PCDHGA9: variants seen among roughly 807,000 people sequenced by gnomAD.
PCDHGA9 encodes the protein protocadherin gamma subfamily A, 9.
A neutral mutation model predicts 62.5 loss-of-function variants in PCDHGA9; 37 were observed. That is an observed-to-expected ratio of 0.59 (90% CI 0.46 to 0.78). The LOEUF (loss-of-function observed/expected upper bound fraction) is 0.78. Ranked by LOEUF, PCDHGA9 falls within the 30% of genes least tolerant of loss-of-function variation. PCDHGA9 has a pLI of 0.00. For synonymous variants in PCDHGA9, 459 were observed against 484.6 expected, an observed-to-expected ratio of 0.95 and a Z score of 0.69; for missense variants, 1,138 against 1,166.2, an observed-to-expected ratio of 0.98 and a Z score of 0.35.
chr5:141,410,318 G>C, intron 1 of PCDHGA9: 6 of 1,613,982 alleles, frequency 3.7e-6, no homozygotes, highest in Non-Finnish European at 5.1e-6. Context: ...CTTCCTCCTC[G>C]CCGTGATTCT....
intron 1 of PCDHGA9, among the ~76,000 whole-genome samples, chr5:141,437,421 T>G (rs971034611): frequency 1.2e-4 from 19 of 152,238 alleles, no homozygotes; most frequent in African/African-American, 4.6e-4. Flanking sequence ...TTATGCTTTT[T>G]GAAGCAGCAA....
At chr5:141,405,407 CT>C (rs762612492) in intron 1 of PCDHGA9, 31 bp downstream of exon 1, 3 of 1,582,042 alleles carry the variant, frequency 1.9e-6, no homozygotes, top group South Asian at 1.1e-5. Context: ...TCTTTCTTTT[CT>C]TTTTTTGTTT....
At chr5:141,484,876 A>C in intron 1 of PCDHGA9, 1 of 315,240 alleles carries the variant, frequency 3.2e-6, no homozygotes, top group Non-Finnish European at 5.8e-6. Flanking sequence ...CGTGGAGGAT[A>C]GGGTGGGCTT....
intron 1 of PCDHGA9, among the ~76,000 whole-genome samples, chr5:141,471,163 G>GC (rs202115056): frequency 0.11 from 16,237 of 150,562 alleles, 892 homozygotes; most frequent in South Asian, 0.15. Context: ...GATTCTCCTG[G>GC]CTCAGCCTCC....
At chr5:141,421,455 C>T (rs762490406) in intron 1 of PCDHGA9, 7 of 1,614,108 alleles carry the variant, frequency 4.3e-6, no homozygotes, top group Non-Finnish European at 4.2e-6. Flanking sequence ...CACAGCTTTT[C>T]GCTGTGAATC....
rs372202008 is a variant in PCDHGA9, at chr5:141,404,550, C to T, written c.1598C>T (p.Thr533Met). The part of the protein sequence containing the change: ...EQFRDLQMQV[T>M]ASDSGSPPLS... The stretch of plus-strand genomic sequence containing the variant: ...TTTAGAGATTTGCAAATGCAGGTGA[C>T]GGCAAGTGACAGTGGAAGCCCACCA... Residue 533 changes from threonine (T) to methionine (M), a missense_variant, in exon 1 of 4, where the codon ACG (threonine) becomes ATG (methionine). Coordinates refer to ENST00000573521, the MANE Select transcript of PCDHGA9 (RefSeq NM_018921.3). The T allele has an allele frequency of 2.8e-4, 448 of 1,613,648 alleles. 1 individual carries two copies. The highest frequency in any genetic ancestry group is 9.8e-4 in the South Asian group (89 of 91,080).
chr5:141,456,139 C>T (rs999574407), intron 1 of PCDHGA9, among the ~76,000 whole-genome samples: 20 of 152,010 alleles, frequency 1.3e-4, no homozygotes, highest in Admixed American at 9.8e-4. Context: ...CCTCCTGATC[C>T]GCCCGCCTCG....
At position 141,491,111 on chromosome 5, in the gene PCDHGA9, A is replaced by G; in HGVS notation, c.2425-3696A>G. 1 of 1,614,162 alleles carries G rather than the reference A, an allele frequency of 6.2e-7. No individual in the cohort carries two copies. Among genetic ancestry groups the G allele is most frequent in the Non-Finnish European group, 8.5e-7 (1 of 1,180,026 alleles). Reference sequence around the variant, plus strand: ...CCAGGACTGTTCCTCGTGTCTACACACACTGGTGAGGTGCGCACAGCCCGG... The same window carrying G: ...CCAGGACTGTTCCTCGTGTCTACACGCACTGGTGAGGTGCGCACAGCCCGG... On this transcript the variant is annotated intron_variant, in intron 1 of 3. Transcript: ENST00000573521. This position sits in a 1 kb window ranked among gnomAD's most constrained non-coding sequence, Gnocchi z 6.9.
intron 2 of PCDHGA9, among the ~76,000 whole-genome samples, chr5:141,501,288 T>TAC (rs1562199973): frequency 3.7e-5 from 3 of 81,228 alleles, no homozygotes; most frequent in South Asian, 4.2e-4. Context: ...GATATTCCCT[T>TAC]ATACACACAC....
rs539719239 is a variant in PCDHGA9, at chr5:141,431,888, G to A, written c.2424+26512G>A. The A allele has an allele frequency of 6.2e-7, 1 of 1,614,200 alleles. No homozygotes were observed. The highest frequency in any genetic ancestry group is 1.7e-5 in the Admixed American group (1 of 60,036). On this transcript the variant is annotated intron_variant, in intron 1 of 3. Coordinates refer to ENST00000573521, the MANE Select transcript of PCDHGA9 (RefSeq NM_018921.3). The surrounding 1 kb of genome is among the most constrained non-coding windows in gnomAD (Gnocchi z 4.8). ...TTTAAATGTAAATGACCAAGATTCT[G>A]AGGAAAACGGACAGGTGATCTGTTT... is the stretch of plus-strand genomic sequence containing the variant.
At chr5:141,433,641 G>C (rs1177387884) in intron 1 of PCDHGA9, among the ~76,000 whole-genome samples, 1 of 152,104 alleles carries the variant, frequency 6.6e-6, no homozygotes, top group Admixed American at 6.5e-5. Flanking sequence ...TTTGAGACCA[G>C]CCTGACCAAC....
Position 141,477,203 on chromosome 5 carries a change from G to A in PCDHGA9, c.2425-17604G>A. The A allele has an allele frequency of 6.2e-7, 1 of 1,614,176 alleles. No individual in the cohort carries two copies. The highest frequency in any genetic ancestry group is 8.5e-7 in the Non-Finnish European group (1 of 1,180,050). ...CACCTCCGTGTACAGCCCAGTACCC[G>A]AGGATGCCCCTCTGGGGACTGTCAT... On this transcript the variant is annotated intron_variant, in intron 1 of 3. Coordinates refer to ENST00000573521, the MANE Select transcript of PCDHGA9 (RefSeq NM_018921.3). This position sits in a 1 kb window ranked among gnomAD's most constrained non-coding sequence, Gnocchi z 4.9.
At position 141,487,219 on chromosome 5, in the gene PCDHGA9, A is replaced by G. The variant is rs750819958; in HGVS notation, c.2425-7588A>G. ...CAGATCTTCGAGAATCTTCAGCTCC[A>G]AGGGAAGGAGAATCTCGTCTAACCC... On this transcript the variant is annotated intron_variant, in intron 1 of 3. Transcript: ENST00000573521. This position sits in a 1 kb window ranked among gnomAD's most constrained non-coding sequence, Gnocchi z 5.0. The G allele has an allele frequency of 1.2e-6, 2 of 1,613,952 alleles. No individual in the cohort carries two copies. The highest frequency in any genetic ancestry group is 3.3e-5 in the Admixed American group (2 of 60,020).
Position 141,493,022 on chromosome 5 carries a change from G to C in PCDHGA9, c.2425-1785G>C, listed in dbSNP as rs1184742888. On this transcript the variant is annotated intron_variant, in intron 1 of 3. Transcript: ENST00000573521. This position sits in a 1 kb window ranked among gnomAD's most constrained non-coding sequence, Gnocchi z 4.3. Reference sequence around the variant, plus strand: ...GCTATAGGCTCTGCCAGATGCCAGGGTGCCCTTATGTGTGAGGAAACTACA... The same window carrying C: ...GCTATAGGCTCTGCCAGATGCCAGGCTGCCCTTATGTGTGAGGAAACTACA... Among the ~76,000 whole-genome samples the C allele has an allele frequency of 6.6e-6, 1 of 152,222 alleles. No individual in the cohort carries two copies. Among genetic ancestry groups the C allele is most frequent in the Non-Finnish European group, 1.5e-5 (1 of 68,040 alleles).
In PCDHGA9 at chr5:141,403,773, A is replaced by T; in HGVS notation, c.821A>T (p.Asn274Ile). 6.2e-7 allele frequency: 1 copy of T among 1,613,956 alleles called. No homozygotes were observed. Among genetic ancestry groups the T allele is most frequent in the South Asian group, 1.1e-5 (1 of 91,090 alleles). ...GCCAGCGACCTGGATGAGGGAATCA[A>T]CGGAAAAGTGGCATACAAATTCTGG... The part of the protein sequence containing the change: ...ATASDLDEGI[N>I]GKVAYKFWKI... The change falls in exon 1 of 4, where the codon AAC becomes ATC. Residue 274 changes from asparagine (N) to isoleucine (I), a missense_variant. Transcript: ENST00000573521.
chr5:141,423,514 G>T (rs1208270970), intron 1 of PCDHGA9: 2 of 1,613,812 alleles, frequency 1.2e-6, no homozygotes, highest in Non-Finnish European at 1.7e-6. Flanking sequence ...TCTCATTGCG[G>T]ACTCGCAGAA....
At chr5:141,509,136 C>T (rs1217992935) in intron 3 of PCDHGA9, among the ~76,000 whole-genome samples, 1 of 152,142 alleles carries the variant, frequency 6.6e-6, no homozygotes, top group Non-Finnish European at 1.5e-5. Context: ...AAAACCGAGG[C>T]GCATCCCGGC....
chr5:141,458,972 GTCC>G (rs2154566422), intron 1 of PCDHGA9, among the ~76,000 whole-genome samples: 1 of 151,882 alleles, frequency 6.6e-6, no homozygotes, highest in East Asian at 1.9e-4. Context: ...GCCTCAAGCA[GTCC>G]TCCTGCCTCA....
intron 1 of PCDHGA9, chr5:141,478,712 G>A (rs1160573848): frequency 3.2e-6 from 5 of 1,547,048 alleles, no homozygotes; most frequent in Non-Finnish European, 4.4e-6. Flanking sequence ...TTTGTGAGAT[G>A]GTGGCCTGCC....
Sources: gnomAD v4.1 joint callset for allele counts (sites outside exome capture counted in the v4.1 genomes callset) on GRCh38, gnomAD v4.1.1 for gene constraint, Gnocchi (gnomAD v3.1) non-coding constraint, MANE v1.5 for transcripts, NCBI Gene and HGNC (gene_info 2026-07-23, HGNC 2026-07-21) for gene names.